Variants in PTPRG observed in about 807,000 individuals in gnomAD.
The protein encoded by PTPRG is protein tyrosine phosphatase receptor type G.
PTPRG carries 102 observed loss-of-function variants against 165.3 expected under a neutral mutation model. The ratio of observed to expected loss-of-function variants is 0.62; its 90% CI spans 0.53 to 0.73. The LOEUF (loss-of-function observed/expected upper bound fraction) is 0.73, where lower values mean the gene tolerates loss of function less well. Ranked by LOEUF, PTPRG falls within the 30% of genes least tolerant of loss-of-function variation. The pLI, the probability that PTPRG is intolerant of heterozygous loss-of-function variation, is 0.00. For missense variants in PTPRG, 1,866 were observed against 1,861.4 expected, an observed-to-expected ratio of 1.00 and a Z score of -0.05; for synonymous variants, 675 against 669.5, an observed-to-expected ratio of 1.01 and a Z score of -0.13.
chr3:61,825,598 T>A (rs1288468898), intron 2 of PTPRG, among the ~76,000 whole-genome samples: 1 of 152,134 alleles, frequency 6.6e-6, no homozygotes, highest in Non-Finnish European at 1.5e-5. Flanking sequence ...AAATTTGGAA[T>A]AAGACCAAGA....
chr3:62,175,022 G>T (rs1705361297), intron 8 of PTPRG, among the ~76,000 whole-genome samples: 1 of 152,090 alleles, frequency 6.6e-6, no homozygotes, highest in African/African-American at 2.4e-5. Flanking sequence ...TCTGTTTCAA[G>T]ACCCTTGGAA....
At position 62,236,282 on chromosome 3, in the gene PTPRG, G is replaced by T. The variant is rs568539242; in HGVS notation, c.2375+4971G>T. On this transcript the variant is annotated intron_variant, in intron 14 of 29. Transcript: ENST00000474889. ...CCTACAGCCTTTTTCTTTTATTGTT[G>T]TATTTGTCACTTCAATTTCTTGAAA... Among the ~76,000 whole-genome samples the T allele has an allele frequency of 4.6e-5, 7 of 152,256 alleles. 2 individuals are homozygous for T. The South Asian group carries it at 1.4e-3, about 32-fold the overall frequency.
At chr3:62,128,847 A>G (rs570570417) in intron 5 of PTPRG, among the ~76,000 whole-genome samples, 1 of 151,640 alleles carries the variant, frequency 6.6e-6, no homozygotes, top group African/African-American at 2.4e-5. Context: ...TTAAGTGGCA[A>G]ATTGATTGAA....
chr3:61,681,186 T>G (rs1457508694), intron 1 of PTPRG, among the ~76,000 whole-genome samples: 2 of 152,138 alleles, frequency 1.3e-5, no homozygotes, highest in African/African-American at 2.4e-5. Context: ...GTGAAAAGCT[T>G]CTTTTCTTGC....
intron 1 of PTPRG, among the ~76,000 whole-genome samples, chr3:61,592,187 G>A (rs1575523674): frequency 6.6e-6 from 1 of 151,850 alleles, no homozygotes; most frequent in African/African-American, 2.4e-5. Context: ...GGGTGGTCTC[G>A]AACTCCCAAC....
chr3:62,135,868 G>A (rs1703690223), intron 6 of PTPRG, among the ~76,000 whole-genome samples: 1 of 152,174 alleles, frequency 6.6e-6, no homozygotes, highest in Non-Finnish European at 1.5e-5. Flanking sequence ...CCAGAGCAAA[G>A]ACTGCCCCTG....
At chr3:62,277,767 T>G in intron 26 of PTPRG, 88 bp downstream of exon 26, 1 of 1,509,548 alleles carries the variant, frequency 6.6e-7, no homozygotes, top group South Asian at 1.2e-5. Flanking sequence ...GGCTATAGTA[T>G]CCATATATGC....
intron 8 of PTPRG, among the ~76,000 whole-genome samples, chr3:62,184,220 G>A (rs150908613): frequency 1.6e-3 from 248 of 152,268 alleles, no homozygotes; most frequent in African/African-American, 5.5e-3. Context: ...CGTGGCAGCC[G>A]CAGCTCCAGC....
intron 4 of PTPRG, among the ~76,000 whole-genome samples, chr3:62,013,687 TAAAA>T (rs2041479205): frequency 1.3e-5 from 2 of 152,162 alleles, no homozygotes; most frequent in South Asian, 4.1e-4. Flanking sequence ...TACCTTAAAA[TAAAA>T]TTTGTTTTAA....
At chr3:61,685,155 A>G (rs574391156) in intron 1 of PTPRG, among the ~76,000 whole-genome samples, 5 of 152,242 alleles carry the variant, frequency 3.3e-5, no homozygotes, top group African/African-American at 4.8e-5. Flanking sequence ...TACATTTAAA[A>G]AATTGGGCAA....
At chr3:62,201,677 GA>G (rs1700098441) in intron 11 of PTPRG, 123 bp downstream of exon 11, 1 of 750,386 alleles carries the variant, frequency 1.3e-6, no homozygotes, top group East Asian at 2.8e-5. Flanking sequence ...GGTTATAGTA[GA>G]GAAAAAATTA....
At chr3:62,078,073 C>A in intron 4 of PTPRG, 90 bp from the exon 5 acceptor site, 3 of 778,824 alleles carry the variant, frequency 3.9e-6, no homozygotes, top group Non-Finnish European at 6.1e-6. Flanking sequence ...TTATTAGCAA[C>A]TGGGGAATAT....
intron 1 of PTPRG, among the ~76,000 whole-genome samples, chr3:61,682,097 C>G (rs768282487): frequency 7.7e-6 from 1 of 129,914 alleles, no homozygotes; most frequent in Non-Finnish European, 1.5e-5. Context: ...TGCAGTGAGC[C>G]GAGATTGTGT....
At chr3:62,030,958 G>A (rs974908980) in intron 4 of PTPRG, among the ~76,000 whole-genome samples, 13 of 152,172 alleles carry the variant, frequency 8.5e-5, no homozygotes, top group Admixed American at 6.5e-4. Flanking sequence ...CAATTTGTTG[G>A]TGTAAACCAA....
intron 5 of PTPRG, among the ~76,000 whole-genome samples, chr3:62,112,186 C>T (rs911694803): frequency 1.7e-4 from 26 of 152,044 alleles, no homozygotes; most frequent in Admixed American, 1.7e-3. Flanking sequence ...CTGACTGCAA[C>T]CTCTGCCTCC....
chr3:61,972,827 T>G (rs1575837928), intron 2 of PTPRG, among the ~76,000 whole-genome samples: 2 of 15,958 alleles, frequency 1.3e-4, no homozygotes, highest in African/African-American at 4.0e-3. Flanking sequence ...TAATTTTTAA[T>G]TTTTTTTTTT....
chr3:61,814,383 C>G (rs1367677853), intron 2 of PTPRG, among the ~76,000 whole-genome samples: 2 of 152,186 alleles, frequency 1.3e-5, no homozygotes, highest in African/African-American at 4.8e-5. Context: ...ACAAGAACAG[C>G]TGGAAGGACA....
At chr3:61,905,950 T>C (rs1019347080) in intron 2 of PTPRG, among the ~76,000 whole-genome samples, 6 of 152,230 alleles carry the variant, frequency 3.9e-5, no homozygotes, top group African/African-American at 1.4e-4. Flanking sequence ...GGAGAAAATA[T>C]TCTCTTATGA....
At chr3:62,292,355 A>C in intron 28 of PTPRG, 66 bp from the exon 29 acceptor site, 8 of 1,434,354 alleles carry the variant, frequency 5.6e-6, no homozygotes, top group African/African-American at 1.4e-5. Context: ...CATGACAGTA[A>C]TTTCATTTCA....
Sources: gnomAD v4.1 joint callset for allele counts (sites outside exome capture counted in the v4.1 genomes callset) on GRCh38, gnomAD v4.1.1 for gene constraint, MANE v1.5 for transcripts, NCBI Gene and HGNC (gene_info 2026-07-23, HGNC 2026-07-21) for gene names.